PTN: variants seen among roughly 807,000 people sequenced by gnomAD.
PTN encodes pleiotrophin, also known as heparin affin regulatory protein.
A neutral mutation model predicts 24.1 loss-of-function variants in PTN; 18 were observed. The ratio of observed to expected loss-of-function variants is 0.75; its 90% CI spans 0.52 to 1.11. The LOEUF (loss-of-function observed/expected upper bound fraction) is 1.11. Among genes scored for constraint, PTN ranks in the 50% least tolerant of loss-of-function variants. The probability of loss-of-function intolerance (pLI) is 0.00; values close to 1 mark genes in which losing one functional copy is unlikely to be tolerated. For missense variants in PTN, 163 were observed against 198.8 expected (o/e 0.82, Z 1.08); for synonymous variants, 78 against 68.6 (o/e 1.14, Z -0.67).
chr7:137,325,188 A>G (rs762246480), intron 1 of PTN, among the ~76,000 whole-genome samples: 4 of 152,196 alleles, frequency 2.6e-5, no homozygotes, highest in Non-Finnish European at 4.4e-5. Context: ...GCTTTCTTAG[A>G]AAAGATCTTG....
rs58934357 is a variant in PTN, at chr7:137,339,568, C to CAAAAA, written c.-2+3866_-2+3870dup. Among the ~76,000 whole-genome samples the CAAAAA allele has an allele frequency of 2.3e-4, 29 of 123,790 alleles. 5 individuals are homozygous for CAAAAA. Among genetic ancestry groups the CAAAAA allele is most frequent in the Non-Finnish European group, 2.9e-4 (18 of 61,728 alleles). 81.2% of individuals were successfully genotyped at this position (123,790 alleles called of 152,430 possible). A position where few individuals can be genotyped will look rare whatever the true frequency, so the allele number is the denominator to read the frequency against. ...CTGACCCTTAGGCAGGGTCTTGAAT[C>CAAAAA]AAAAAAAAAAAAAAAAATGGGGGAA... On this transcript the variant is annotated intron_variant, in intron 1 of 4. Transcript: ENST00000348225.
At chr7:137,277,869 C>T (rs1809387301) in intron 1 of PTN, among the ~76,000 whole-genome samples, 1 of 138,248 alleles carries the variant, frequency 7.2e-6, no homozygotes, top group Non-Finnish European at 1.5e-5. Flanking sequence ...CATGCCCAGC[C>T]AAAAAATATA....
chr7:137,312,994 A>G (rs1189070214), intron 1 of PTN, among the ~76,000 whole-genome samples: 1 of 152,152 alleles, frequency 6.6e-6, no homozygotes, highest in Admixed American at 6.5e-5. Context: ...GGTGTTATTT[A>G]TATGTGGTTT....
At chr7:137,315,137 T>C (rs1810049891) in intron 1 of PTN, among the ~76,000 whole-genome samples, 3 of 152,094 alleles carry the variant, frequency 2.0e-5, no homozygotes, top group Admixed American at 2.0e-4. Context: ...GATGGGCTCG[T>C]TGCCAATGCA....
chr7:137,317,862 G>T (rs532414593), intron 1 of PTN, among the ~76,000 whole-genome samples: 2 of 152,170 alleles, frequency 1.3e-5, no homozygotes, highest in Non-Finnish European at 2.9e-5. Context: ...AGACAGGTGA[G>T]CGAGGTTCAG....
intron 1 of PTN, among the ~76,000 whole-genome samples, chr7:137,335,926 C>A (rs948918665): frequency 1.6e-5 from 2 of 126,528 alleles, no homozygotes; most frequent in South Asian, 5.4e-4. Flanking sequence ...GATGTCTTCT[C>A]GCTTTTTTTT....
intron 1 of PTN, among the ~76,000 whole-genome samples, chr7:137,280,705 A>G (rs1267092635): frequency 1.4e-4 from 11 of 78,050 alleles, no homozygotes; most frequent in African/African-American, 4.2e-4. Context: ...AATACAAAAA[A>G]AAAAAAAAAA....
chr7:137,304,189 C>T (rs1004562858), intron 1 of PTN, among the ~76,000 whole-genome samples: 2 of 152,088 alleles, frequency 1.3e-5, no homozygotes, highest in African/African-American at 2.4e-5. Context: ...TGATCTTTCC[C>T]TTCTTTTTTC....
intron 4 of PTN, among the ~76,000 whole-genome samples, chr7:137,242,579 G>A (rs1371758348): frequency 6.6e-6 from 1 of 152,188 alleles, no homozygotes. Flanking sequence ...CTTCATTTAT[G>A]CATCTGATTT....
In PTN at chr7:137,239,794, C is replaced by T. The variant is rs77653916; in HGVS notation, c.451+11436G>A. Among the ~76,000 whole-genome samples, 342 of 152,126 alleles carry T rather than the reference C, an allele frequency of 2.2e-3. 1 individual carries two copies. The highest frequency in any genetic ancestry group is 3.6e-3 in the Non-Finnish European group (243 of 68,016). On this transcript the variant is annotated intron_variant, in intron 4 of 4. Transcript: ENST00000348225. The stretch of plus-strand genomic sequence containing the variant: ...TCAAAAGTGAATAAGTTGTAGTATA[C>T]GAAGAGTTTGCCTGTTAGGAGAGGG...
intron 1 of PTN, among the ~76,000 whole-genome samples, chr7:137,273,475 G>A (rs149181360): frequency 6.6e-6 from 1 of 152,346 alleles, no homozygotes; most frequent in East Asian, 1.9e-4. Context: ...CAACATGGCT[G>A]AAGTCGAAGG....
chr7:137,269,275 T>C (rs1447880324), intron 1 of PTN, among the ~76,000 whole-genome samples: 1 of 152,238 alleles, frequency 6.6e-6, no homozygotes, highest in African/African-American at 2.4e-5. Context: ...GTTTCTATTG[T>C]TGCTCTCTTG....
intron 4 of PTN, 132 bp from the exon 5 acceptor site, chr7:137,228,207 C>T: frequency 3.2e-6 from 2 of 634,828 alleles, no homozygotes; most frequent in Non-Finnish European, 2.8e-6. Context: ...CTTGGTAGTT[C>T]TCTTGGTAAA....
intron 1 of PTN, among the ~76,000 whole-genome samples, chr7:137,314,685 C>T (rs1247579857): frequency 6.6e-6 from 1 of 150,610 alleles, no homozygotes; most frequent in African/African-American, 2.4e-5. Context: ...ACCTCCGACT[C>T]CCAGGTTCAA....
intron 4 of PTN, among the ~76,000 whole-genome samples, chr7:137,239,639 G>C (rs1219320175): frequency 6.6e-6 from 1 of 151,892 alleles, no homozygotes; most frequent in Non-Finnish European, 1.5e-5. Flanking sequence ...CTATGAGTGA[G>C]AATATGCGGT....
At chr7:137,254,797 G>A (rs902626942) in intron 2 of PTN, 62 bp downstream of exon 2, 1 of 1,121,448 alleles carries the variant, frequency 8.9e-7, no homozygotes, top group Non-Finnish European at 1.2e-6. Flanking sequence ...GGAAAAGCAG[G>A]TAATTAGACT....
intron 1 of PTN, among the ~76,000 whole-genome samples, chr7:137,262,059 A>T (rs1489690687): frequency 6.6e-6 from 1 of 152,220 alleles, no homozygotes; most frequent in African/African-American, 2.4e-5. Context: ...AAGAGTTTCT[A>T]TGACTATTCA....
chr7:137,317,360 T>C (rs1344593932), intron 1 of PTN, among the ~76,000 whole-genome samples: 2 of 152,212 alleles, frequency 1.3e-5, no homozygotes, highest in Admixed American at 1.3e-4. Flanking sequence ...TCAAGAATTT[T>C]ATAAATGCCC....
chr7:137,292,354 C>T (rs1284472990), intron 1 of PTN, among the ~76,000 whole-genome samples: 2 of 152,118 alleles, frequency 1.3e-5, no homozygotes, highest in Non-Finnish European at 1.5e-5. Context: ...TCCCATGTCA[C>T]GGGAGGGACC....
Sources: allele counts gnomAD v4.1 joint callset (sites outside exome capture counted in the v4.1 genomes callset), GRCh38; gene constraint gnomAD v4.1.1; transcripts MANE v1.5; gene names NCBI Gene and HGNC (gene_info 2026-07-23, HGNC 2026-07-21).